The following HSD17B11 variants were observed in gnomAD, a reference collection of about 807,000 sequenced individuals.
HSD17B11 encodes hydroxysteroid 17-beta dehydrogenase 11.
In HSD17B11, 22 loss-of-function variants were observed where a neutral mutation model predicts 27.8. The ratio of observed to expected loss-of-function variants is 0.79; its 90% CI spans 0.56 to 1.13. HSD17B11 has a LOEUF of 1.13. Among genes scored for constraint, HSD17B11 ranks in the 50% most tolerant of loss-of-function variants. The probability of loss-of-function intolerance (pLI) is 0.00; values close to 1 mark genes in which losing one functional copy is unlikely to be tolerated. For synonymous variants in HSD17B11, 117 were observed against 132.8 expected (o/e 0.88, Z 0.82); for missense variants, 314 against 351.1 (o/e 0.89, Z 0.84).
chr4:87,368,696 C>T (rs183029694), intron 4 of HSD17B11, among the ~76,000 whole-genome samples: 162 of 152,222 alleles, frequency 1.1e-3, no homozygotes, highest in African/African-American at 3.8e-3. Context: ...ATAAAGACCT[C>T]GCTGATGATA....
intron 5 of HSD17B11, among the ~76,000 whole-genome samples, chr4:87,354,471 G>A (rs1195110372): frequency 6.6e-6 from 1 of 151,622 alleles, no homozygotes; most frequent in African/African-American, 2.4e-5. Flanking sequence ...GGGAGACCCT[G>A]TCTCTACAAA....
intron 2 of HSD17B11, among the ~76,000 whole-genome samples, chr4:87,379,869 ACTATTAATTATTAT>A (rs533327168): frequency 0.042 from 5,664 of 134,550 alleles, 402 homozygotes; most frequent in African/African-American, 0.15. Context: ...TATGTATTAT[ACTATTAATTATTAT>A]TATACAGCAC....
At chr4:87,383,825 C>T (rs1262331130) in intron 1 of HSD17B11, among the ~76,000 whole-genome samples, 1 of 150,720 alleles carries the variant, frequency 6.6e-6, no homozygotes, top group Non-Finnish European at 1.5e-5. Flanking sequence ...TTCTGCAGGC[C>T]AAGTATTAGG....
intron 1 of HSD17B11, among the ~76,000 whole-genome samples, chr4:87,389,734 A>C (rs1043004594): frequency 2.6e-5 from 4 of 152,174 alleles, no homozygotes; most frequent in Non-Finnish European, 1.5e-5. Flanking sequence ...ACTAGTGTGT[A>C]ATGGATAATG....
intron 4 of HSD17B11, among the ~76,000 whole-genome samples, chr4:87,370,743 A>AT (rs1398178505): frequency 4.8e-4 from 3 of 6,264 alleles, no homozygotes; most frequent in East Asian, 7.4e-3. Flanking sequence ...TATTATTATT[A>AT]TTATTATTAT....
chr4:87,369,560 C>A (rs544302862), intron 4 of HSD17B11, among the ~76,000 whole-genome samples: 1 of 151,988 alleles, frequency 6.6e-6, no homozygotes, highest in South Asian at 2.1e-4. Flanking sequence ...CAGCCTCCTG[C>A]GTAGCTGGGA....
intron 5 of HSD17B11, among the ~76,000 whole-genome samples, chr4:87,355,534 AC>A (rs1456245088): frequency 2.0e-5 from 3 of 152,020 alleles, no homozygotes; most frequent in Admixed American, 1.3e-4. Context: ...GAAAAAAAAA[AC>A]ATATGCAACA....
intron 2 of HSD17B11, among the ~76,000 whole-genome samples, chr4:87,381,544 G>GC (rs1396682708): frequency 6.6e-6 from 1 of 151,878 alleles, no homozygotes; most frequent in East Asian, 1.9e-4. Context: ...GATCCCCTGA[G>GC]CTCAGGAGTT....
At chr4:87,375,396 A>C (rs1735800094) in intron 2 of HSD17B11, among the ~76,000 whole-genome samples, 2 of 152,212 alleles carry the variant, frequency 1.3e-5, no homozygotes, top group African/African-American at 4.8e-5. Context: ...ATCAAGAGGC[A>C]TTTGGCTAAG....
chr4:87,368,000 C>T (rs892617822), intron 4 of HSD17B11, among the ~76,000 whole-genome samples: 25 of 152,160 alleles, frequency 1.6e-4, no homozygotes, highest in African/African-American at 6.0e-4. Flanking sequence ...ACTTATTAAT[C>T]TCCCAGATAT....
Position 87,352,976 on chromosome 4 carries a change from G to A in HSD17B11, c.695+4303C>T, listed in dbSNP as rs562933446. Reference sequence around the variant, plus strand: ...GTGAGGCAATGCCTCGCCCTGCTTCGGCTCGCGCACGGTGCGCACACACAC... The same window carrying A: ...GTGAGGCAATGCCTCGCCCTGCTTCAGCTCGCGCACGGTGCGCACACACAC... On this transcript the variant is annotated intron_variant, in intron 5 of 6. Transcript: ENST00000358290. 3.9e-5 allele frequency among the ~76,000 whole-genome samples: 4 copies of A among 101,526 alleles called. 1 individual carries two copies. Among genetic ancestry groups the A allele is most frequent in the East Asian group, 2.2e-4 (1 of 4,558 alleles). 66.6% of individuals were successfully genotyped at this position (101,526 alleles called of 152,430 possible).
At position 87,390,976 on chromosome 4, in the gene HSD17B11, T is replaced by C. The variant is rs1560774272; in HGVS notation, c.95A>G (p.Lys32Arg). 1 of 1,614,136 alleles carries C rather than the reference T, an allele frequency of 6.2e-7. No homozygotes were observed. The highest frequency in any genetic ancestry group is 2.2e-5 in the East Asian group (1 of 44,878). ...FVKLFIPKRRKSVTGEIVLIT... is the reference protein window; with the variant it reads ...FVKLFIPKRRRSVTGEIVLIT... ...CAGCACGATTTCGCCGGTGACTGAT[T>C]TTCTCCTCTTAGGAATAAAAAGCTT... The change falls in exon 1 of 7, where the codon AAA becomes AGA. Residue 32 changes from lysine to arginine, a missense_variant. Coordinates refer to ENST00000358290, the MANE Select transcript of HSD17B11 (RefSeq NM_016245.5).
intron 2 of HSD17B11, 22 bp from the exon 3 acceptor site, chr4:87,374,852 A>G: frequency 6.5e-7 from 1 of 1,532,272 alleles, no homozygotes; most frequent in Non-Finnish European, 8.8e-7. Context: ...AAAATAAGAA[A>G]AGTAAATTCA....
chr4:87,381,186 CAAA>C (rs58998729), intron 2 of HSD17B11, among the ~76,000 whole-genome samples: 3 of 114,304 alleles, frequency 2.6e-5, no homozygotes, highest in Non-Finnish European at 3.5e-5. Flanking sequence ...GACTCCATTT[CAAA>C]AAAAAAAAAA....
At chr4:87,386,987 C>T (rs1720337506) in intron 1 of HSD17B11, 1 of 152,290 alleles carries the variant, frequency 6.6e-6, no homozygotes, top group Non-Finnish European at 1.5e-5. Flanking sequence ...CGTTTCCAAC[C>T]TGGCTGGTTC....
At chr4:87,338,799 A>C (rs1462917471) in intron 6 of HSD17B11, among the ~76,000 whole-genome samples, 2 of 152,212 alleles carry the variant, frequency 1.3e-5, no homozygotes, top group Non-Finnish European at 2.9e-5. Flanking sequence ...AGCCTCTCAA[A>C]GTGCTGGGAT....
intron 5 of HSD17B11, among the ~76,000 whole-genome samples, chr4:87,355,724 C>T (rs866410408): frequency 2.5e-4 from 38 of 152,066 alleles, no homozygotes; most frequent in Middle Eastern, 3.4e-3. Context: ...GCCAACGTGG[C>T]GAAACCCCAT....
chr4:87,362,300 T>C (rs1191913694), intron 4 of HSD17B11, among the ~76,000 whole-genome samples: 3 of 152,074 alleles, frequency 2.0e-5, no homozygotes, highest in Non-Finnish European at 2.9e-5. Flanking sequence ...CCAAGGCGGG[T>C]GGATCACTTG....
At chr4:87,363,811 A>C (rs1296604226) in intron 4 of HSD17B11, among the ~76,000 whole-genome samples, 1 of 152,140 alleles carries the variant, frequency 6.6e-6, no homozygotes, top group Non-Finnish European at 1.5e-5. Context: ...TCAATTCCCC[A>C]CCCAGGAAAT....
Sources: gnomAD v4.1 joint callset for allele counts (sites outside exome capture counted in the v4.1 genomes callset) on GRCh38, gnomAD v4.1.1 for gene constraint, MANE v1.5 for transcripts, NCBI Gene and HGNC (gene_info 2026-07-23, HGNC 2026-07-21) for gene names.